The following CSMD1 variants were observed in gnomAD, a reference collection of about 807,000 sequenced individuals.
The protein encoded by CSMD1 is CUB and Sushi multiple domains 1.
A neutral mutation model predicts 417.5 loss-of-function variants in CSMD1; 213 were observed. The observed-to-expected ratio is 0.51, with a 90% CI of 0.46 to 0.57. The LOEUF is 0.57. CSMD1 is among the 20% of genes least tolerant of loss of function. The probability of loss-of-function intolerance (pLI) is 0.00; values close to 1 mark genes in which losing one functional copy is unlikely to be tolerated. For missense variants in CSMD1, 6,923 were observed against 4,529.7 expected, an observed-to-expected ratio of 1.53 and a Z score of -15.17; for synonymous variants, 2,862 against 1,736.8, an observed-to-expected ratio of 1.65 and a Z score of -16.11.
chr8:4,192,686 A>G (rs1413027650), intron 3 of CSMD1, among the ~76,000 whole-genome samples: 1 of 152,162 alleles, frequency 6.6e-6, no homozygotes, highest in Non-Finnish European at 1.5e-5. Context: ...TAAATCTTAA[A>G]TCTGTATTGC....
At chr8:4,667,218 T>G (rs1804995020) in intron 1 of CSMD1, among the ~76,000 whole-genome samples, 1 of 152,182 alleles carries the variant, frequency 6.6e-6, no homozygotes, top group Admixed American at 6.5e-5. Context: ...TCTATCTATC[T>G]ATCATGTTTT....
chr8:4,075,131 G>C (rs925304112), intron 3 of CSMD1, among the ~76,000 whole-genome samples: 1 of 152,062 alleles, frequency 6.6e-6, no homozygotes, highest in East Asian at 1.9e-4. Context: ...ATATCAAAAT[G>C]ATACGAAAAA....
chr8:4,954,885 G>C (rs7828071), intron 1 of CSMD1, among the ~76,000 whole-genome samples: 2 of 151,974 alleles, frequency 1.3e-5, no homozygotes, highest in Non-Finnish European at 2.9e-5. Context: ...CAGGAATTCA[G>C]AGTACTTTGT....
In CSMD1 at chr8:4,168,370, T is replaced by C. The variant is rs543595694; in HGVS notation, c.416-136271A>G. ...TTGATTGCGCCACTGTACTCAGTCT[T>C]GGTGACAGAGTGAGACCCTTACTCT... On this transcript the variant is annotated intron_variant, in intron 3 of 69. Transcript: ENST00000635120. 2.3e-4 allele frequency among the ~76,000 whole-genome samples: 35 copies of C among 152,134 alleles called. 1 individual carries two copies. The highest frequency in any genetic ancestry group is 8.0e-4 in the African/African-American group (33 of 41,482).
intron 4 of CSMD1, among the ~76,000 whole-genome samples, chr8:4,022,499 C>G (rs771638664): frequency 5.9e-5 from 9 of 152,114 alleles, no homozygotes; most frequent in South Asian, 4.2e-4. Flanking sequence ...CCCTCCGAAG[C>G]AACATTTGGT....
At chr8:3,549,413 T>G (rs1269858387) in intron 10 of CSMD1, among the ~76,000 whole-genome samples, 2 of 152,238 alleles carry the variant, frequency 1.3e-5, no homozygotes, top group South Asian at 4.1e-4. Context: ...TGGGAGGCTA[T>G]GCTTTGAATG....
chr8:4,446,824 T>G (rs1275619933), intron 2 of CSMD1, among the ~76,000 whole-genome samples: 1 of 150,572 alleles, frequency 6.6e-6, no homozygotes, highest in African/African-American at 2.5e-5. Context: ...GTTTTCTCCA[T>G]CTTGGCCAGA....
chr8:4,933,635 T>G (rs1160046286), intron 1 of CSMD1, among the ~76,000 whole-genome samples: 2 of 152,196 alleles, frequency 1.3e-5, no homozygotes, highest in South Asian at 2.1e-4. Context: ...CAATGTACTT[T>G]CCGAATGCCT....
chr8:4,654,338 C>T (rs1369678307), intron 1 of CSMD1, among the ~76,000 whole-genome samples: 4 of 152,050 alleles, frequency 2.6e-5, no homozygotes, highest in African/African-American at 7.3e-5. Context: ...TCTATGCAGA[C>T]GTAACAACTC....
At position 3,408,128 on chromosome 8, in the gene CSMD1, A is replaced by T; in HGVS notation, c.1842T>A (p.Ile614=). ...YGNNMNCVWL[I]ISEPGSRIHL... is the part of the protein sequence containing the mutation. The stretch of plus-strand genomic sequence containing the variant: ...GAATTCGACTTCCTGGCTCCGAGAT[A>T]ATCAACCAGACACAGTTCATGTTGT... Residue 614 remains isoleucine, a synonymous_variant, in exon 14 of 70, where the codon ATT becomes ATA. Transcript: ENST00000635120. The T allele has an allele frequency of 3.1e-6, 5 of 1,613,824 alleles. No homozygotes were observed. Among genetic ancestry groups the T allele is most frequent in the Non-Finnish European group, 4.2e-6 (5 of 1,179,788 alleles).
chr8:3,471,068 T>A (rs907388841), intron 11 of CSMD1, among the ~76,000 whole-genome samples: 1 of 152,294 alleles, frequency 6.6e-6, no homozygotes, highest in East Asian at 1.9e-4. Flanking sequence ...TGTGAAATCA[T>A]GTTGAGTATT....
intron 3 of CSMD1, among the ~76,000 whole-genome samples, chr8:4,312,119 C>T (rs560187964): frequency 6.6e-6 from 1 of 151,946 alleles, no homozygotes; most frequent in Non-Finnish European, 1.5e-5. Context: ...CAATACCCCC[C>T]TTTTAAAAAT....
intron 2 of CSMD1, among the ~76,000 whole-genome samples, chr8:4,596,547 T>C (rs1266688034): frequency 7.3e-6 from 1 of 137,808 alleles, no homozygotes; most frequent in Non-Finnish European, 1.6e-5. Flanking sequence ...AGCTATAAGC[T>C]TTTCTAAAAA....
At chr8:2,978,885 T>C (rs922741485) in intron 54 of CSMD1, 85 bp from the exon 55 acceptor site, 4 of 1,186,914 alleles carry the variant, frequency 3.4e-6, no homozygotes, top group African/African-American at 1.6e-5. Context: ...GAATTCCTCA[T>C]CATTTTAGAA....
intron 3 of CSMD1, among the ~76,000 whole-genome samples, chr8:4,111,948 C>T (rs1671054898): frequency 6.6e-6 from 1 of 152,158 alleles, no homozygotes; most frequent in African/African-American, 2.4e-5. Flanking sequence ...GGCAAAAGCA[C>T]AGTCTCTGTA....
At chr8:3,140,626 A>T (rs922064349) in intron 41 of CSMD1, among the ~76,000 whole-genome samples, 1 of 152,156 alleles carries the variant, frequency 6.6e-6, no homozygotes, top group Non-Finnish European at 1.5e-5. Context: ...ATAATGCCAA[A>T]GAGTTCATCA....
chr8:3,939,422 C>A (rs1810725926), intron 5 of CSMD1, among the ~76,000 whole-genome samples: 1 of 152,030 alleles, frequency 6.6e-6, no homozygotes, highest in Non-Finnish European at 1.5e-5. Flanking sequence ...TGTGTATAAA[C>A]TACTACAACT....
At chr8:3,253,630 G>C (rs1800433975) in intron 26 of CSMD1, among the ~76,000 whole-genome samples, 1 of 152,156 alleles carries the variant, frequency 6.6e-6, no homozygotes, top group South Asian at 2.1e-4. Context: ...AGAGTGGGTT[G>C]TTAAAGTCTG....
At position 4,637,358 on chromosome 8, in the gene CSMD1, C is replaced by A. The variant is rs1159669176; in HGVS notation, c.286G>T (p.Gly96Trp). ...LSVYDGQPQQ[G>W]NLKVRLSGFQ... is the part of the protein sequence containing the mutation. ...ATACCTTACCTCACTTTTAAATTCC[C>A]TTGTTGAGGCTGTCCATCGTAAACT... is the stretch of plus-strand genomic sequence containing the variant. The change falls in exon 2 of 70, where the codon GGG (glycine) becomes TGG (tryptophan). Residue 96 changes from glycine (G) to tryptophan (W), a missense_variant. Physicochemically the swap from Gly to Trp is radical, Grantham distance 184. Coordinates refer to ENST00000635120, the MANE Select transcript of CSMD1 (RefSeq NM_033225.6). The A allele has an allele frequency of 2.5e-6, 4 of 1,613,426 alleles. No individual in the cohort carries two copies. The African/African-American group carries it at 4.0e-5, about 16-fold the overall frequency.
Sources: gnomAD v4.1 joint callset for allele counts (sites outside exome capture counted in the v4.1 genomes callset) on GRCh38, gnomAD v4.1.1 for gene constraint, MANE v1.5 for transcripts, NCBI Gene and HGNC (gene_info 2026-07-23, HGNC 2026-07-21) for gene names.